Variants in PXDNL observed in about 807,000 individuals in gnomAD.
The protein encoded by PXDNL is peroxidasin like.
Under a neutral mutation model 150.8 loss-of-function variants are expected in PXDNL, and 145 were observed. That is an observed-to-expected ratio of 0.96 (90% CI 0.84 to 1.10). The LOEUF is 1.10. Among genes scored for constraint, PXDNL ranks in the 50% least tolerant of loss-of-function variants. The pLI is 0.00. For missense variants in PXDNL, 2,087 were observed against 1,873.9 expected (o/e 1.11, Z -2.10); for synonymous variants, 757 against 725.7 (o/e 1.04, Z -0.69).
At chr8:51,636,171 A>G (rs1222813643) in intron 2 of PXDNL, among the ~76,000 whole-genome samples, 1 of 152,140 alleles carries the variant, frequency 6.6e-6, no homozygotes, top group Non-Finnish European at 1.5e-5. Flanking sequence ...TCAACAAAGA[A>G]TACTCAAAAA....
chr8:51,544,731 A>G (rs1408143064), intron 4 of PXDNL, among the ~76,000 whole-genome samples: 1 of 152,196 alleles, frequency 6.6e-6, no homozygotes, highest in Non-Finnish European at 1.5e-5. Flanking sequence ...AGGAAAATCA[A>G]AAAGTGTATT....
intron 4 of PXDNL, among the ~76,000 whole-genome samples, chr8:51,540,197 C>T (rs995107113): frequency 6.6e-6 from 1 of 152,078 alleles, no homozygotes. Flanking sequence ...TGAGTCTGGA[C>T]CAGTTATCTC....
At chr8:51,648,965 T>C (rs1180681939) in intron 2 of PXDNL, among the ~76,000 whole-genome samples, 4 of 152,234 alleles carry the variant, frequency 2.6e-5, no homozygotes, top group African/African-American at 9.6e-5. Context: ...AAATTTGATT[T>C]AGTGCTCATA....
chr8:51,408,774 C>T lies in PXDNL; in HGVS notation c.2850G>A (p.Glu950=). 6.3e-7 allele frequency: 1 copy of T among 1,580,768 alleles called. No homozygotes were observed. Among genetic ancestry groups the T allele is most frequent in the East Asian group, 2.3e-5 (1 of 44,270 alleles). ...GGTCCCCGGCCAGGAAACAGGGGCT[C>T]TCCTGCTCCTGTCGCGCGCACTCGG... The part of the protein sequence containing the change: ...PPTECARQEQ[E]SPCFLAGDHR... Residue 950 remains glutamate, a synonymous_variant, in exon 17 of 23, where the codon GAG becomes GAA. Transcript: ENST00000356297.
chr8:51,747,272 A>G (rs2036995957), intron 1 of PXDNL, among the ~76,000 whole-genome samples: 1 of 152,168 alleles, frequency 6.6e-6, no homozygotes, highest in African/African-American at 2.4e-5. Context: ...CTGCAGGCAA[A>G]CACTGTGCTC....
At chr8:51,464,847 C>A (rs552448476) in intron 8 of PXDNL, among the ~76,000 whole-genome samples, 16 of 152,130 alleles carry the variant, frequency 1.1e-4, no homozygotes, top group African/African-American at 3.9e-4. Flanking sequence ...GCACATGTAT[C>A]CCAGAACTTA....
At position 51,570,083 on chromosome 8, in the gene PXDNL, A is replaced by C. The variant is rs574688036; in HGVS notation, c.309-13172T>G. On this transcript the variant is annotated intron_variant, in intron 3 of 22. Coordinates refer to ENST00000356297, the MANE Select transcript of PXDNL (RefSeq NM_144651.5). ...CAGGCTGCAGTGACCGGCTCAGAGA[A>C]AGACATGAGCAGTGAGACACAAGTA... is the stretch of plus-strand genomic sequence containing the variant. Among the ~76,000 whole-genome samples the C allele has an allele frequency of 2.0e-5, 3 of 152,074 alleles. No homozygotes were observed. In the South Asian group the frequency reaches 6.2e-4, roughly 32 times the overall value.
chr8:51,762,383 AGATCCAGG>A (rs2037175265), intron 1 of PXDNL, among the ~76,000 whole-genome samples: 2 of 152,134 alleles, frequency 1.3e-5, no homozygotes, highest in Admixed American at 1.3e-4. Flanking sequence ...CTTCCTTCCT[AGATCCAGG>A]AGATAATCAA....
Position 51,470,225 on chromosome 8 carries a change from C to T in PXDNL, c.812+1962G>A, listed in dbSNP as rs957612852. ...ATTGAACACTTCTATCAATTGAAGTCTTTCTCGTGGGCTAGTTTCCAGATT... is the reference window on the plus strand; with the variant it reads ...ATTGAACACTTCTATCAATTGAAGTTTTTCTCGTGGGCTAGTTTCCAGATT... On this transcript the variant is annotated intron_variant, in intron 8 of 22. Transcript: ENST00000356297. 2.0e-4 allele frequency among the ~76,000 whole-genome samples: 30 copies of T among 152,146 alleles called. 1 individual carries two copies. The highest frequency in any genetic ancestry group is 7.0e-4 in the African/African-American group (29 of 41,548).
At chr8:51,756,981 T>C (rs1283968005) in intron 1 of PXDNL, among the ~76,000 whole-genome samples, 4 of 152,216 alleles carry the variant, frequency 2.6e-5, no homozygotes, top group Non-Finnish European at 5.9e-5. Context: ...AAGTTTTATA[T>C]TGGTGATTAC....
At chr8:51,670,968 T>A (rs550818044) in intron 1 of PXDNL, among the ~76,000 whole-genome samples, 103 of 152,310 alleles carry the variant, frequency 6.8e-4, no homozygotes, top group African/African-American at 2.3e-3. Flanking sequence ...AATATTCTAT[T>A]GAGACATCTT....
At chr8:51,758,545 G>A (rs1585727520) in intron 1 of PXDNL, among the ~76,000 whole-genome samples, 1 of 152,302 alleles carries the variant, frequency 6.6e-6, no homozygotes, top group Admixed American at 6.5e-5. Flanking sequence ...CATGTGTCAA[G>A]GGCGAGACGT....
chr8:51,785,222 C>A (rs78375701), intron 1 of PXDNL, among the ~76,000 whole-genome samples: 1 of 151,294 alleles, frequency 6.6e-6, no homozygotes, highest in South Asian at 2.1e-4. Flanking sequence ...ACCAAAAATA[C>A]AATGCTGGTT....
chr8:51,693,540 G>A (rs543190264), intron 1 of PXDNL, among the ~76,000 whole-genome samples: 105 of 152,302 alleles, frequency 6.9e-4, no homozygotes, highest in African/African-American at 2.1e-3. Context: ...CTGGGAGGCG[G>A]AAGTGAGCAG....
intron 2 of PXDNL, among the ~76,000 whole-genome samples, chr8:51,639,450 C>T (rs12541116): frequency 0.39 from 59,092 of 151,476 alleles, 14,179 homozygotes; most frequent in African/African-American, 0.69. Flanking sequence ...ATTGATAGAC[C>T]ACTAGCAAGA....
At position 51,319,848 on chromosome 8, in the gene PXDNL, C is replaced by T; in HGVS notation, c.*43G>A. On this transcript the variant is annotated 3_prime_UTR_variant, in exon 23 of 23. Coordinates refer to ENST00000356297, the MANE Select transcript of PXDNL (RefSeq NM_144651.5). ...GTTCTGAAGTCCTAAATGTCTCTTC[C>T]TGAGAAATTTCCCATTTGGGGCTCA... The T allele has an allele frequency of 1.4e-6, 2 of 1,422,974 alleles. No individual in the cohort carries two copies. The highest frequency in any genetic ancestry group is 1.9e-6 in the Non-Finnish European group (2 of 1,080,894). 88.1% of individuals were successfully genotyped at this position (1,422,974 alleles called of 1,614,324 possible). A position where few individuals can be genotyped will look rare whatever the true frequency, so the allele number is the denominator to read the frequency against.
intron 12 of PXDNL, among the ~76,000 whole-genome samples, chr8:51,429,346 G>A (rs147881469): frequency 3.6e-4 from 55 of 152,282 alleles, no homozygotes; most frequent in Non-Finnish European, 4.3e-4. Flanking sequence ...TTGTGAGGCC[G>A]AGGTTGACGG....
chr8:51,435,950 C>T (rs1273184132), intron 12 of PXDNL: 1 of 503,120 alleles, frequency 2.0e-6, no homozygotes, highest in Non-Finnish European at 4.0e-6. Flanking sequence ...GTAATAAATG[C>T]ATCTACTTTG....
At chr8:51,433,753 G>T (rs1045562378) in intron 12 of PXDNL, among the ~76,000 whole-genome samples, 4 of 151,896 alleles carry the variant, frequency 2.6e-5, no homozygotes, top group Non-Finnish European at 5.9e-5. Flanking sequence ...ATACTTACGA[G>T]CCTGAAATTA....
Sources: allele counts gnomAD v4.1 joint callset (sites outside exome capture counted in the v4.1 genomes callset), GRCh38; gene constraint gnomAD v4.1.1; transcripts MANE v1.5; gene names NCBI Gene and HGNC (gene_info 2026-07-23, HGNC 2026-07-21).